Variants in TEF observed in about 807,000 individuals in gnomAD.
The protein encoded by TEF is TEF transcription factor, PAR bZIP family member.
Under a neutral mutation model 20.8 loss-of-function variants are expected in TEF, and 3 were observed. The ratio of observed to expected loss-of-function variants is 0.14; its 90% CI spans 0.07 to 0.37. TEF has a LOEUF of 0.37. Ranked by LOEUF, TEF falls within the 10% of genes least tolerant of loss-of-function variation. The pLI is 1.00. For synonymous variants in TEF, 180 were observed against 171.1 expected, an observed-to-expected ratio of 1.05 and a Z score of -0.41; for missense variants, 296 against 397.9, an observed-to-expected ratio of 0.74 and a Z score of 2.18.
At chr22:41,376,647 T>G (rs1376816787) in intron 1 of TEF, among the ~76,000 whole-genome samples, 1 of 152,188 alleles carries the variant, frequency 6.6e-6, no homozygotes, top group Non-Finnish European at 1.5e-5. Flanking sequence ...GTCTGTAGCT[T>G]AGACTCTAAA....
Position 41,395,794 on chromosome 22 carries a change from G to A in TEF, c.746G>A (p.Arg249Gln), listed in dbSNP as rs2037220356. Reference protein sequence around the residue: ...RRKKNNVAAKRSRDARRLKEN... With the variant: ...RRKKNNVAAKQSRDARRLKEN... ...AAGAAGAACAACGTGGCAGCTAAACGGTCACGGGATGCCCGGCGCCTGAAA... is the reference window on the plus strand; with the variant it reads ...AAGAAGAACAACGTGGCAGCTAAACAGTCACGGGATGCCCGGCGCCTGAAA... Residue 249 changes from arginine to glutamine, a missense_variant, in exon 4 of 4, where the codon CGG becomes CAG. Transcript: ENST00000266304. 1 of 1,614,120 alleles carries A rather than the reference G, an allele frequency of 6.2e-7. No homozygotes were observed. Among genetic ancestry groups the A allele is most frequent in the African/African-American group, 1.3e-5 (1 of 75,030 alleles).
At chr22:41,389,842 C>T (rs546655022) in intron 2 of TEF, among the ~76,000 whole-genome samples, 8 of 152,120 alleles carry the variant, frequency 5.3e-5, no homozygotes, top group East Asian at 1.9e-4. Context: ...TCCATTTAAC[C>T]GTTGAAGGAC....
chr22:41,369,767 A>T (rs1368696383), intron 1 of TEF: 1 of 305,588 alleles, frequency 3.3e-6, no homozygotes, highest in East Asian at 1.7e-4. Flanking sequence ...CACTGCTCTG[A>T]CTCTGGGTGT....
chr22:41,381,939 T>C, upstream of TEF: 2 of 1,225,238 alleles, frequency 1.6e-6, no homozygotes, highest in Non-Finnish European at 2.0e-6. Context: ...ATTGGGCGCC[T>C]GCGCAGTAGC....
intron 1 of TEF, among the ~76,000 whole-genome samples, chr22:41,373,800 G>A (rs9619963): frequency 0.35 from 49,260 of 139,120 alleles, 9,791 homozygotes; most frequent in Non-Finnish European, 0.46. Flanking sequence ...CGGAGTCTCC[G>A]TCACCCAGGC....
intron 1 of TEF, chr22:41,367,649 G>A (rs1377681475): frequency 6.5e-7 from 1 of 1,532,658 alleles, no homozygotes; most frequent in East Asian, 2.5e-5. Flanking sequence ...TACTCGAGGG[G>A]GCGAGGGGGC....
chr22:41,383,073 G>A lies in TEF; in HGVS notation c.157+872G>A, dbSNP rs546993887. 10 of 470,048 alleles carry A rather than the reference G, an allele frequency of 2.1e-5. No individual in the cohort carries two copies. The East Asian group carries it at 3.5e-4, about 16-fold the overall frequency. 29.1% of individuals were successfully genotyped at this position (470,048 alleles called of 1,614,324 possible). A position where few individuals can be genotyped will look rare whatever the true frequency, so the allele number is the denominator to read the frequency against. ...GTGGTGGGGTTGTGGGTGCACTGAG[G>A]TATACTTTGAGTGTGAGACCTTTGC... is the stretch of plus-strand genomic sequence containing the variant. On this transcript the variant is annotated intron_variant, in intron 1 of 3. Transcript: ENST00000266304.
At chr22:41,373,783 TTG>T in intron 1 of TEF, among the ~76,000 whole-genome samples, 2 of 150,154 alleles carry the variant, frequency 1.3e-5, no homozygotes, top group African/African-American at 2.5e-5. Flanking sequence ...TTTTTTTTTT[TTG>T]GAGACGGAGT....
At chr22:41,380,531 A>G (rs1390184078), upstream of TEF, among the ~76,000 whole-genome samples, 1 of 152,116 alleles carries the variant, frequency 6.6e-6, no homozygotes, top group Non-Finnish European at 1.5e-5. Flanking sequence ...CTACCCCCTG[A>G]ACCAAGGACT....
At chr22:41,380,050 T>C (rs1398356066), upstream of TEF, among the ~76,000 whole-genome samples, 2 of 152,160 alleles carry the variant, frequency 1.3e-5, no homozygotes, top group African/African-American at 4.8e-5. Context: ...AGACCTATCA[T>C]CCTGTCTCTA....
At chr22:41,395,615 C>A in intron 3 of TEF, 130 bp from the exon 4 acceptor site, 1 of 896,216 alleles carries the variant, frequency 1.1e-6, no homozygotes, top group Non-Finnish European at 1.7e-6. Flanking sequence ...TTGTGCTGCT[C>A]CCTCCCTGGT....
intron 1 of TEF, among the ~76,000 whole-genome samples, chr22:41,375,010 G>C (rs776975772): frequency 1.3e-5 from 2 of 152,170 alleles, no homozygotes; most frequent in South Asian, 4.1e-4. Flanking sequence ...GTCAGCCCCA[G>C]GGGGTCTGGC....
Position 41,395,601 on chromosome 22 carries a change from T to C in TEF, c.697-144T>C, listed in dbSNP as rs1012449867. The C allele has an allele frequency of 5.3e-6, 4 of 759,754 alleles. No individual in the cohort carries two copies. In the African/African-American group the frequency reaches 7.0e-5, roughly 13 times the overall value. The allele number at this position is 759,754 out of a possible 1,614,324, so 47.1% of individuals were successfully genotyped here. A position where few individuals can be genotyped will look rare whatever the true frequency, so the allele number is the denominator to read the frequency against. On this transcript the variant is annotated intron_variant, in intron 3 of 3. Coordinates refer to ENST00000266304, the MANE Select transcript of TEF (RefSeq NM_003216.4). ...AAAGGGCAGTGCCCTCAATGTGCCC[T>C]GGTTTGTGCTGCTCCCTCCCTGGTA...
intron 1 of TEF, chr22:41,382,925 G>T: frequency 2.1e-6 from 1 of 471,122 alleles, no homozygotes; most frequent in Non-Finnish European, 4.4e-6. Flanking sequence ...GGCCACGGCG[G>T]CAGGACTGAG....
At chr22:41,394,375 T>TGATA in intron 3 of TEF, 59 bp downstream of exon 3, 1 of 1,489,354 alleles carries the variant, frequency 6.7e-7, no homozygotes, top group Non-Finnish European at 9.1e-7. Context: ...CTAGGGGATA[T>TGATA]GGCTCCTCGC....
intron 1 of TEF, among the ~76,000 whole-genome samples, chr22:41,368,327 T>A (rs1037428800): frequency 4.6e-5 from 7 of 152,094 alleles, no homozygotes; most frequent in African/African-American, 1.7e-4. Context: ...GGGCTCCAAC[T>A]CCTCCTTGCC....
chr22:41,395,716 A>G (rs1177325785), intron 3 of TEF, 29 bp from the exon 4 acceptor site: 1 of 1,604,560 alleles, frequency 6.2e-7, no homozygotes, highest in South Asian at 1.1e-5. Context: ...GGGAAAGACG[A>G]GAGACTCACA....
chr22:41,381,694 A>G (rs924914308), upstream of TEF, among the ~76,000 whole-genome samples: 1 of 151,920 alleles, frequency 6.6e-6, no homozygotes, highest in Non-Finnish European at 1.5e-5. Flanking sequence ...GGCGCCAATC[A>G]GGGGACACAG....
chr22:41,381,900 G>A (rs1601817802), upstream of TEF: 2 of 1,226,222 alleles, frequency 1.6e-6, no homozygotes, highest in African/African-American at 1.6e-5. Flanking sequence ...TCCGCAGGCG[G>A]GGTAGCGATG....
Sources: allele counts gnomAD v4.1 joint callset (sites outside exome capture counted in the v4.1 genomes callset), GRCh38; gene constraint gnomAD v4.1.1; transcripts MANE v1.5; gene names NCBI Gene and HGNC (gene_info 2026-07-23, HGNC 2026-07-21).